Variants in ITCH observed in about 807,000 individuals in gnomAD.
ITCH encodes the protein E3 ubiquitin-protein ligase Itchy homolog.
A neutral mutation model predicts 126.8 loss-of-function variants in ITCH; 28 were observed. The ratio of observed to expected loss-of-function variants is 0.22; its 90% confidence interval spans 0.16 to 0.30. The LOEUF (loss-of-function observed/expected upper bound fraction) is 0.30, where lower values mean the gene tolerates loss of function less well. ITCH is among the 10% of genes least tolerant of loss of function. The pLI, the probability that ITCH is intolerant of heterozygous loss-of-function variation, is 1.00. For synonymous variants in ITCH, 342 were observed against 340.0 expected (o/e 1.01, Z -0.06); for missense variants, 631 against 1,032.4 (o/e 0.61, Z 5.33).
intron 1 of ITCH, among the ~76,000 whole-genome samples, chr20:34,364,009 TC>T (rs1434981165): frequency 6.6e-6 from 1 of 152,138 alleles, no homozygotes; most frequent in African/African-American, 2.4e-5. Context: ...AGTGCCCTTT[TC>T]TTTAGCAGAG....
chr20:34,451,744 T>G (rs1233807932), intron 12 of ITCH, among the ~76,000 whole-genome samples: 1 of 152,122 alleles, frequency 6.6e-6, no homozygotes, highest in African/African-American at 2.4e-5. Flanking sequence ...ACTAAAATGA[T>G]ATATCCAAAG....
chr20:34,454,141 CTTTT>C (rs1296651082), intron 12 of ITCH, among the ~76,000 whole-genome samples: 2 of 142,368 alleles, frequency 1.4e-5, no homozygotes, highest in Non-Finnish European at 1.5e-5. Context: ...TTATGTTTTT[CTTTT>C]TTTTTTTTTT....
At chr20:34,503,137 CA>C (rs746760093) in intron 23 of ITCH, among the ~76,000 whole-genome samples, 17 of 152,152 alleles carry the variant, frequency 1.1e-4, no homozygotes, top group Non-Finnish European at 1.8e-4. Flanking sequence ...GGACTTTTTA[CA>C]TAACTACTTG....
At position 34,510,968 on chromosome 20, in the gene ITCH, T is replaced by A. The variant is rs1011199009; in HGVS notation, c.*3174T>A. 4 of 152,230 alleles carry A rather than the reference T, an allele frequency of 2.6e-5. No individual in the cohort carries two copies. Among genetic ancestry groups the A allele is most frequent in the African/African-American group, 9.6e-5 (4 of 41,456 alleles). 9.4% of individuals were successfully genotyped at this position (152,230 alleles called of 1,614,324 possible). ...CAGTCAAGCCCACTCTACCACTTTT[T>A]ACTTATCTGGTTAATAATCCGAAAT... On this transcript the variant is annotated 3_prime_UTR_variant, in exon 25 of 25. Transcript: ENST00000374864.
At chr20:34,482,955 T>TAA in intron 20 of ITCH, among the ~76,000 whole-genome samples, 1 of 152,320 alleles carries the variant, frequency 6.6e-6, no homozygotes, top group African/African-American at 2.4e-5. Context: ...CTGTGCACCC[T>TAA]CAGGCTCAAC....
At chr20:34,424,663 T>C in intron 7 of ITCH, 138 bp downstream of exon 7, 2 of 803,012 alleles carry the variant, frequency 2.5e-6, no homozygotes, top group Non-Finnish European at 4.3e-6. Context: ...AGGGAAATAT[T>C]TGCAAAAGAT....
At chr20:34,386,020 C>G (rs1287184530) in intron 2 of ITCH, among the ~76,000 whole-genome samples, 1 of 152,034 alleles carries the variant, frequency 6.6e-6, no homozygotes, top group African/African-American at 2.4e-5. Flanking sequence ...TATTTACCCT[C>G]TGCTCCAATC....
intron 2 of ITCH, among the ~76,000 whole-genome samples, chr20:34,370,105 GAAA>G (rs944960345): frequency 5.9e-5 from 7 of 117,736 alleles, no homozygotes; most frequent in African/African-American, 1.2e-4. Flanking sequence ...CCCTGTCTCG[GAAA>G]AAAAAAAAAA....
chr20:34,449,593 A>G (rs1352711664), intron 12 of ITCH, 113 bp downstream of exon 12: 2 of 744,684 alleles, frequency 2.7e-6, no homozygotes, highest in African/African-American at 1.8e-5. Context: ...GCTTGAGTGA[A>G]TGTCTGGGAA....
At chr20:34,449,561 T>G in intron 12 of ITCH, 81 bp downstream of exon 12, 1 of 935,820 alleles carries the variant, frequency 1.1e-6, no homozygotes, top group South Asian at 1.3e-5. Context: ...AAACAGATAT[T>G]TATGTCTGAT....
chr20:34,481,286 T>C, intron 20 of ITCH, 80 bp downstream of exon 20: 1 of 1,367,042 alleles, frequency 7.3e-7, no homozygotes, highest in Non-Finnish European at 1.0e-6. Context: ...TAATGGAGAG[T>C]ATCTCCAAAA....
At chr20:34,381,864 T>TAA (rs751332155) in intron 2 of ITCH, among the ~76,000 whole-genome samples, 138 of 128,044 alleles carry the variant, frequency 1.1e-3, no homozygotes, top group Middle Eastern at 4.0e-3. Context: ...TCCCTGTCTC[T>TAA]AAAAAAAAAA....
At position 34,467,678 on chromosome 20, in the gene ITCH, AT is replaced by A. The variant is rs147009659; in HGVS notation, c.1425-2346del. 7.7e-3 allele frequency among the ~76,000 whole-genome samples: 750 copies of A among 98,024 alleles called. 3 individuals carry two copies. The highest frequency in any genetic ancestry group is 0.023 in the African/African-American group (606 of 25,958). 64.3% of individuals were successfully genotyped at this position (98,024 alleles called of 152,430 possible). A position where few individuals can be genotyped will look rare whatever the true frequency, so the allele number is the denominator to read the frequency against. ...AAGTGATGGAAATGTTTTCTTTTTC[AT>A]TTTTTTTTTTTTTTTTTTTTTTTGA... On this transcript the variant is annotated intron_variant, in intron 14 of 24. Transcript: ENST00000374864.
At chr20:34,433,204 C>T (rs548437232) in intron 7 of ITCH, among the ~76,000 whole-genome samples, 13 of 152,230 alleles carry the variant, frequency 8.5e-5, no homozygotes, top group African/African-American at 1.2e-4. Flanking sequence ...GCTGGAGAAT[C>T]GCTTGAACCC....
intron 1 of ITCH, 64 bp from the exon 2 acceptor site, chr20:34,369,329 CT>C (rs1354653445): frequency 4.9e-6 from 1 of 202,520 alleles, no homozygotes; most frequent in African/African-American, 5.2e-5. Flanking sequence ...AAGACTCCAT[CT>C]CAAAAACAAA....
intron 7 of ITCH, among the ~76,000 whole-genome samples, chr20:34,433,681 G>C (rs895559838): frequency 7.0e-6 from 1 of 143,544 alleles, no homozygotes; most frequent in Non-Finnish European, 1.5e-5. Flanking sequence ...AACCCAAAAA[G>C]ACCAATGAAA....
chr20:34,496,394 A>G (rs1246684949), intron 23 of ITCH, among the ~76,000 whole-genome samples: 63 of 152,106 alleles, frequency 4.1e-4, no homozygotes, highest in Non-Finnish European at 4.4e-5. Flanking sequence ...CATTCTGCAG[A>G]TTGTCTCTAC....
In ITCH at chr20:34,474,797, A is replaced by AC. The variant is rs1350672330; in HGVS notation, c.1570-2968dup. The stretch of plus-strand genomic sequence containing the variant: ...GGCGGCTGGCCGGGCGGGGGGGCTG[A>AC]CCCCCCCACCTCCCTCCCGGACAGG... On this transcript the variant is annotated intron_variant, in intron 16 of 24. Coordinates refer to ENST00000374864, the MANE Select transcript of ITCH (RefSeq NM_031483.7). Among the ~76,000 whole-genome samples, 123 of 141,344 alleles carry AC rather than the reference A, an allele frequency of 8.7e-4. 1 individual carries two copies. Among genetic ancestry groups the AC allele is most frequent in the Admixed American group, 1.3e-3 (19 of 14,266 alleles). The allele number at this position is 141,344 out of a possible 152,430, so 92.7% of individuals were successfully genotyped here. A position where few individuals can be genotyped will look rare whatever the true frequency, so the allele number is the denominator to read the frequency against.
chr20:34,455,927 G>C (rs531538568), intron 12 of ITCH, among the ~76,000 whole-genome samples: 1 of 151,778 alleles, frequency 6.6e-6, no homozygotes, highest in South Asian at 2.1e-4. Flanking sequence ...AGAGAACTGA[G>C]TTCTGCTTCC....
Sources: allele counts gnomAD v4.1 joint callset (sites outside exome capture counted in the v4.1 genomes callset), GRCh38; gene constraint gnomAD v4.1.1; transcripts MANE v1.5; gene names NCBI Gene and HGNC (gene_info 2026-07-23, HGNC 2026-07-21).